The following TRHDE variants were observed in gnomAD, a reference collection of about 807,000 sequenced individuals.
The protein encoded by TRHDE is thyrotropin releasing hormone degrading enzyme.
TRHDE carries 72 observed loss-of-function variants against 125.7 expected under a neutral mutation model. The observed-to-expected ratio is 0.57, with a 90% confidence interval of 0.47 to 0.70. The LOEUF (loss-of-function observed/expected upper bound fraction) is 0.70. Among genes scored for constraint, TRHDE ranks in the 30% least tolerant of loss-of-function variants. The pLI is 0.00. For synonymous variants in TRHDE, 509 were observed against 509.1 expected (o/e 1.00, Z 0.00); for missense variants, 1,110 against 1,327.1 (o/e 0.84, Z 2.54).
chr12:72,165,600 A>G (rs1375134809), intron 2 of TRHDE, among the ~76,000 whole-genome samples: 3 of 152,130 alleles, frequency 2.0e-5, no homozygotes, highest in African/African-American at 7.2e-5. Context: ...TTATATATAC[A>G]TGTATGTATA....
rs1879358487 is a variant in TRHDE, at chr12:72,273,665, CA to C, written c.914+109del. 6.3e-6 allele frequency: 7 copies of C among 1,113,898 alleles called. No homozygotes were observed. The highest frequency in any genetic ancestry group is 2.3e-5 in the Admixed American group (1 of 44,058). The allele number at this position is 1,113,898 out of a possible 1,614,324, so 69.0% of individuals were successfully genotyped here. A position where few individuals can be genotyped will look rare whatever the true frequency, so the allele number is the denominator to read the frequency against. ...AGCTGGCTTCCAATACCCGGGAAGC[CA>C]GGGGTGGGGGGAAGGAAACGAAAGC... On this transcript the variant is annotated intron_variant, in intron 1 of 18. Transcript: ENST00000261180. This position sits in a 1 kb window ranked among gnomAD's most constrained non-coding sequence, Gnocchi z 5.3.
intron 2 of TRHDE, among the ~76,000 whole-genome samples, chr12:72,319,019 G>T (rs553525203): frequency 6.6e-6 from 1 of 152,320 alleles, no homozygotes; most frequent in African/African-American, 2.4e-5. Context: ...AGAGCTAAGG[G>T]TAAGGAGAGG....
rs1875078023 is a variant in TRHDE, at chr12:72,665,402, G to A, written c.*2207G>A. ...TCAAATCCTAAGTGTATAATTATGT[G>A]CAATGTTCAATACCTCATATAATAC... is the stretch of plus-strand genomic sequence containing the variant. On this transcript the variant is annotated 3_prime_UTR_variant, in exon 19 of 19. Coordinates refer to ENST00000261180, the MANE Select transcript of TRHDE (RefSeq NM_013381.3). 6.6e-6 allele frequency: 1 copy of A among 152,358 alleles called. No homozygotes were observed. The highest frequency in any genetic ancestry group is 1.5e-5 in the Non-Finnish European group (1 of 67,948). 9.4% of individuals were successfully genotyped at this position (152,358 alleles called of 1,614,324 possible). A position where few individuals can be genotyped will look rare whatever the true frequency, so the allele number is the denominator to read the frequency against.
At chr12:72,384,022 A>G (rs980896267) in intron 3 of TRHDE, among the ~76,000 whole-genome samples, 2 of 152,180 alleles carry the variant, frequency 1.3e-5, no homozygotes, top group Non-Finnish European at 2.9e-5. Context: ...AAAAAAGTGC[A>G]CATGTTATAA....
chr12:72,472,701 G>A (rs1428621518), intron 4 of TRHDE, among the ~76,000 whole-genome samples: 1 of 152,082 alleles, frequency 6.6e-6, no homozygotes, highest in Non-Finnish European at 1.5e-5. Context: ...ATTAGTCCTG[G>A]TTTGTCCCTT....
chr12:72,268,911 C>A (rs887917699), upstream of TRHDE, among the ~76,000 whole-genome samples: 18 of 152,180 alleles, frequency 1.2e-4, no homozygotes, highest in African/African-American at 4.3e-4. Flanking sequence ...TCATAAAATT[C>A]TCCTAACAAA....
At chr12:72,099,754 A>G (rs1224765390) in intron 1 of TRHDE, among the ~76,000 whole-genome samples, 3 of 152,224 alleles carry the variant, frequency 2.0e-5, no homozygotes, top group Non-Finnish European at 4.4e-5. Context: ...CCACATTATC[A>G]TATTTTAAGA....
At chr12:72,519,882 G>A (rs952571860) in intron 6 of TRHDE, among the ~76,000 whole-genome samples, 1 of 152,204 alleles carries the variant, frequency 6.6e-6, no homozygotes, top group Non-Finnish European at 1.5e-5. Context: ...CTCAGCTGCA[G>A]GTCTGTTGGA....
At chr12:72,240,269 A>T (rs1878448334) in intron 2 of TRHDE, among the ~76,000 whole-genome samples, 1 of 150,060 alleles carries the variant, frequency 6.7e-6, no homozygotes, top group South Asian at 2.1e-4. Flanking sequence ...CAAAAATAAA[A>T]ACTGCTAACA....
chr12:72,496,258 A>G (rs942966885), intron 5 of TRHDE, among the ~76,000 whole-genome samples: 2 of 152,198 alleles, frequency 1.3e-5, no homozygotes, highest in African/African-American at 2.4e-5. Flanking sequence ...TCCACAAATC[A>G]TTCCATTTAA....
intron 2 of TRHDE, among the ~76,000 whole-genome samples, chr12:72,242,298 C>A (rs2139381683): frequency 6.6e-6 from 1 of 152,132 alleles, no homozygotes; most frequent in East Asian, 1.9e-4. Context: ...TTTATAGTTC[C>A]CTGCATTCCC....
chr12:72,174,148 C>T (rs920205495), intron 2 of TRHDE, among the ~76,000 whole-genome samples: 31 of 152,218 alleles, frequency 2.0e-4, no homozygotes, highest in African/African-American at 5.3e-4. Context: ...TCTGCCACCA[C>T]GTGAACAAGC....
At chr12:72,586,616 C>T (rs1871449736) in intron 12 of TRHDE, among the ~76,000 whole-genome samples, 1 of 152,080 alleles carries the variant, frequency 6.6e-6, no homozygotes, top group Non-Finnish European at 1.5e-5. Context: ...ATTTGAATCA[C>T]AGATTAGATT....
At chr12:72,387,717 G>T (rs1342778152) in intron 3 of TRHDE, among the ~76,000 whole-genome samples, 2 of 152,062 alleles carry the variant, frequency 1.3e-5, no homozygotes, top group East Asian at 3.9e-4. Flanking sequence ...TGAATCATGG[G>T]GGTGGTTTCC....
Position 72,619,057 on chromosome 12 carries a change from T to C in TRHDE, c.2469+19T>C, listed in dbSNP as rs375622535. ...TTTCAATGTAAAAAGATATAATTTT[T>C]CTTTCTAATTTTTAGAAGATACACT... On this transcript the variant is annotated intron_variant, in intron 13 of 18. Transcript: ENST00000261180. The C allele has an allele frequency of 6.6e-7, 1 of 1,513,312 alleles. No individual in the cohort carries two copies. Among genetic ancestry groups the C allele is most frequent in the Non-Finnish European group, 8.8e-7 (1 of 1,130,130 alleles). 93.7% of individuals were successfully genotyped at this position (1,513,312 alleles called of 1,614,324 possible). A position where few individuals can be genotyped will look rare whatever the true frequency, so the allele number is the denominator to read the frequency against.
At chr12:72,291,149 A>T (rs1262489540) in intron 2 of TRHDE, among the ~76,000 whole-genome samples, 1 of 152,242 alleles carries the variant, frequency 6.6e-6, no homozygotes, top group Non-Finnish European at 1.5e-5. Flanking sequence ...GTTCAGGCAT[A>T]GAAGAGATCA....
intron 12 of TRHDE, among the ~76,000 whole-genome samples, chr12:72,612,336 C>A (rs1325200239): frequency 6.6e-6 from 1 of 152,130 alleles, no homozygotes; most frequent in Non-Finnish European, 1.5e-5. Context: ...CATCTGGGAT[C>A]ACATTATGTA....
chr12:72,508,594 T>C (rs73346582), intron 6 of TRHDE, among the ~76,000 whole-genome samples: 41 of 152,296 alleles, frequency 2.7e-4, no homozygotes, highest in African/African-American at 9.4e-4. Flanking sequence ...CTTGTTTGGA[T>C]TTTATAGGCT....
At chr12:72,589,502 A>G (rs1403844360) in intron 12 of TRHDE, among the ~76,000 whole-genome samples, 2 of 152,146 alleles carry the variant, frequency 1.3e-5, no homozygotes, top group Admixed American at 6.5e-5. Context: ...AGAATTTACC[A>G]TACATATTTG....
Sources: gnomAD v4.1 joint callset for allele counts (sites outside exome capture counted in the v4.1 genomes callset) on GRCh38, gnomAD v4.1.1 for gene constraint, Gnocchi (gnomAD v3.1) non-coding constraint, MANE v1.5 for transcripts, NCBI Gene and HGNC (gene_info 2026-07-23, HGNC 2026-07-21) for gene names.